The following SLC6A11 variants were observed in gnomAD, a reference collection of about 807,000 sequenced individuals.
SLC6A11 encodes the protein sodium- and chloride-dependent GABA transporter 3.
In SLC6A11, 25 loss-of-function variants were observed where a neutral mutation model predicts 74.8. The observed-to-expected ratio is 0.33, with a 90% CI of 0.24 to 0.47. The LOEUF is 0.47. Among genes scored for constraint, SLC6A11 ranks in the 20% least tolerant of loss-of-function variants. The pLI is 1.00. For synonymous variants in SLC6A11, 330 were observed against 330.2 expected (o/e 1.00, Z 0.01); for missense variants, 574 against 837.0 (o/e 0.69, Z 3.88).
At chr3:10,931,048 C>T (rs909620262) in intron 10 of SLC6A11, among the ~76,000 whole-genome samples, 1 of 152,222 alleles carries the variant, frequency 6.6e-6, no homozygotes, top group South Asian at 2.1e-4. Context: ...CACATTTAAA[C>T]TCAGCTCTAA....
intron 9 of SLC6A11, among the ~76,000 whole-genome samples, chr3:10,927,313 C>T (rs1157588000): frequency 6.6e-6 from 1 of 152,152 alleles, no homozygotes; most frequent in African/African-American, 2.4e-5. Context: ...CTCGGCGAGT[C>T]CCTGGGCTGA....
intron 5 of SLC6A11, among the ~76,000 whole-genome samples, chr3:10,844,829 A>G (rs1207365043): frequency 6.6e-6 from 1 of 152,136 alleles, no homozygotes; most frequent in Non-Finnish European, 1.5e-5. Context: ...TTGCTGTGCC[A>G]CCTGTACCAT....
Position 10,924,497 on chromosome 3 carries a change from C to T in SLC6A11, c.1121-1507C>T, listed in dbSNP as rs376946547. 7.2e-5 allele frequency among the ~76,000 whole-genome samples: 11 copies of T among 151,952 alleles called. No homozygotes were observed. The South Asian group carries it at 1.3e-3, about 17-fold the overall frequency. ...TACTTCTTTACATGCTAGCAGGAGA[C>T]AATTGGAAAGTTTTTAACTTCTGCT... On this transcript the variant is annotated intron_variant, in intron 8 of 13. Transcript: ENST00000254488.
At chr3:10,851,105 C>T (rs1694570292) in intron 5 of SLC6A11, among the ~76,000 whole-genome samples, 1 of 152,084 alleles carries the variant, frequency 6.6e-6, no homozygotes. Context: ...CCCACGCTGC[C>T]CCTACACCCT....
At chr3:10,935,351 A>G (rs1487448624) in intron 13 of SLC6A11, 152 bp downstream of exon 13, 1 of 669,610 alleles carries the variant, frequency 1.5e-6, no homozygotes, top group Non-Finnish European at 2.5e-6. Context: ...GTTCAGTATC[A>G]TGGTTGTGCC....
At chr3:10,839,327 T>C (rs1337833394) in intron 4 of SLC6A11, among the ~76,000 whole-genome samples, 7 of 152,162 alleles carry the variant, frequency 4.6e-5, no homozygotes, top group Admixed American at 4.6e-4. Context: ...TCACCTCTCA[T>C]CTGCCCCTGA....
intron 5 of SLC6A11, among the ~76,000 whole-genome samples, chr3:10,848,128 A>G (rs1694527402): frequency 6.6e-6 from 1 of 152,216 alleles, no homozygotes; most frequent in African/African-American, 2.4e-5. Context: ...TCTCCAAGGA[A>G]TATTAAAACA....
At chr3:10,863,790 G>A (rs771693767) in intron 5 of SLC6A11, among the ~76,000 whole-genome samples, 1 of 152,142 alleles carries the variant, frequency 6.6e-6, no homozygotes. Flanking sequence ...GAAGTGAAGG[G>A]TTTGTTCAGG....
chr3:10,858,514 C>T (rs1266093482), intron 5 of SLC6A11, among the ~76,000 whole-genome samples: 2 of 152,198 alleles, frequency 1.3e-5, no homozygotes, highest in Admixed American at 1.3e-4. Context: ...CTCGAAATGC[C>T]TCTACATGTC....
intron 4 of SLC6A11, among the ~76,000 whole-genome samples, chr3:10,838,823 T>C (rs1694401193): frequency 1.3e-5 from 2 of 152,176 alleles, no homozygotes; most frequent in African/African-American, 4.8e-5. Flanking sequence ...ATGGGTATAA[T>C]CATGCCCTGG....
intron 5 of SLC6A11, among the ~76,000 whole-genome samples, chr3:10,868,718 G>A (rs1487516285): frequency 6.6e-6 from 1 of 152,166 alleles, no homozygotes; most frequent in Non-Finnish European, 1.5e-5. Flanking sequence ...ACCTTATTAG[G>A]CCCATCACCA....
At position 10,849,145 on chromosome 3, in the gene SLC6A11, A is replaced by G. The variant is rs972006202; in HGVS notation, c.756+4799A>G. 2.6e-5 allele frequency among the ~76,000 whole-genome samples: 4 copies of G among 152,204 alleles called. No individual in the cohort carries two copies. The East Asian group carries it at 7.7e-4, about 29-fold the overall frequency. Reference sequence around the variant, plus strand: ...TCCCTCACTCTAGACACTATTGGAAATTTCAGAAATCTCCTATGGAAAAAA... The same window carrying G: ...TCCCTCACTCTAGACACTATTGGAAGTTTCAGAAATCTCCTATGGAAAAAA... On this transcript the variant is annotated intron_variant, in intron 5 of 13. Coordinates refer to ENST00000254488, the MANE Select transcript of SLC6A11 (RefSeq NM_014229.3).
At chr3:10,824,092 A>G (rs1448364239) in intron 4 of SLC6A11, 3 of 152,580 alleles carry the variant, frequency 2.0e-5, no homozygotes, top group East Asian at 1.9e-4. Context: ...CAGGGCTGCT[A>G]TGTGTGGTTG....
At chr3:10,833,879 A>C (rs1694330896) in intron 4 of SLC6A11, among the ~76,000 whole-genome samples, 1 of 152,186 alleles carries the variant, frequency 6.6e-6, no homozygotes, top group African/African-American at 2.4e-5. Flanking sequence ...TTCACATTGG[A>C]TGTCTTACAG....
intron 5 of SLC6A11, 113 bp downstream of exon 5, chr3:10,844,459 G>A: frequency 7.6e-7 from 1 of 1,320,646 alleles, no homozygotes; most frequent in Non-Finnish European, 1.1e-6. Context: ...TAAGTTGGGA[G>A]CGGGGAGGAA....
chr3:10,918,551 C>T lies in SLC6A11; in HGVS notation c.1120+98C>T. The T allele has an allele frequency of 7.1e-7, 1 of 1,401,488 alleles. No individual in the cohort carries two copies. Among genetic ancestry groups the T allele is most frequent in the Non-Finnish European group, 9.6e-7 (1 of 1,043,436 alleles). 86.8% of individuals were successfully genotyped at this position (1,401,488 alleles called of 1,614,324 possible). On this transcript the variant is annotated intron_variant, in intron 8 of 13. Coordinates refer to ENST00000254488, the MANE Select transcript of SLC6A11 (RefSeq NM_014229.3). This position sits in a 1 kb window ranked among gnomAD's most constrained non-coding sequence, Gnocchi z 4.5. Reference sequence around the variant, plus strand: ...ATCTTCCTCCTCGGCTCACACATCTCCTGGATTCAGGCCTCAGAAAGGGGC... The same window carrying T: ...ATCTTCCTCCTCGGCTCACACATCTTCTGGATTCAGGCCTCAGAAAGGGGC...
At chr3:10,843,076 G>A (rs951950254) in intron 4 of SLC6A11, among the ~76,000 whole-genome samples, 9 of 152,126 alleles carry the variant, frequency 5.9e-5, no homozygotes, top group South Asian at 2.1e-4. Context: ...AATGGGGTTC[G>A]TGGAACAAGC....
At chr3:10,888,817 T>C (rs1200270545) in intron 6 of SLC6A11, among the ~76,000 whole-genome samples, 2 of 152,234 alleles carry the variant, frequency 1.3e-5, no homozygotes, top group East Asian at 1.9e-4. Context: ...ATGCCCACCT[T>C]ATGTTTATTC....
chr3:10,872,703 G>A (rs1694841604), intron 5 of SLC6A11, among the ~76,000 whole-genome samples: 1 of 152,210 alleles, frequency 6.6e-6, no homozygotes, highest in South Asian at 2.1e-4. Flanking sequence ...GTAGGTGAAT[G>A]AACTGAGTCA....
Sources: gnomAD v4.1 joint callset for allele counts (sites outside exome capture counted in the v4.1 genomes callset) on GRCh38, gnomAD v4.1.1 for gene constraint, Gnocchi (gnomAD v3.1) non-coding constraint, MANE v1.5 for transcripts, NCBI Gene and HGNC (gene_info 2026-07-23, HGNC 2026-07-21) for gene names.